Variants in PMEPA1 observed in about 807,000 individuals in gnomAD.
PMEPA1 encodes the protein prostate transmembrane protein, androgen induced 1, also known as protein TMEPAI.
Under a neutral mutation model 23.0 loss-of-function variants are expected in PMEPA1, and 11 were observed. That is an observed-to-expected ratio of 0.48 (90% CI 0.30 to 0.79). The LOEUF (loss-of-function observed/expected upper bound fraction) is 0.79. Among genes scored for constraint, PMEPA1 ranks in the 30% least tolerant of loss-of-function variants. The pLI, the probability that PMEPA1 is intolerant of heterozygous loss-of-function variation, is 0.06. For missense variants in PMEPA1, 377 were observed against 390.9 expected, an observed-to-expected ratio of 0.96 and a Z score of 0.30; for synonymous variants, 204 against 166.4, an observed-to-expected ratio of 1.23 and a Z score of -1.74.
rs1317346254 is a variant in PMEPA1, at chr20:57,656,785, G to A, written c.264+2758C>T. 6.6e-6 allele frequency among the ~76,000 whole-genome samples: 1 copy of A among 152,220 alleles called. No individual in the cohort carries two copies. The highest frequency in any genetic ancestry group is 1.5e-5 in the Non-Finnish European group (1 of 68,026). On this transcript the variant is annotated intron_variant, in intron 2 of 3. Coordinates refer to ENST00000341744, the MANE Select transcript of PMEPA1 (RefSeq NM_020182.5). The surrounding 1 kb of genome is among the most constrained non-coding windows in gnomAD (Gnocchi z 4.7). ...CCATACAGGCAAGAGGGGACCCCCA[G>A]GGTCACCCTGAAAAGGGGCCATGGT...
At position 57,656,300 on chromosome 20, in the gene PMEPA1, T is replaced by G. The variant is rs990740769; in HGVS notation, c.265-3214A>C. ...TTTGGCTCCCGCTGCTGGCAGATTG[T>G]CGCACATTGGCCTGGCCACAGTCTT... is the stretch of plus-strand genomic sequence containing the variant. On this transcript the variant is annotated intron_variant, in intron 2 of 3. Transcript: ENST00000341744. This position sits in a 1 kb window ranked among gnomAD's most constrained non-coding sequence, Gnocchi z 4.7. Among the ~76,000 whole-genome samples the G allele has an allele frequency of 2.1e-4, 32 of 151,314 alleles. No individual in the cohort carries two copies. The highest frequency in any genetic ancestry group is 7.5e-4 in the African/African-American group (31 of 41,264).
chr20:57,692,053 T>G (rs1187346956), intron 1 of PMEPA1, among the ~76,000 whole-genome samples: 1 of 152,182 alleles, frequency 6.6e-6, no homozygotes, highest in African/African-American at 2.4e-5. Flanking sequence ...TCCCGGGGCT[T>G]ACGGAGCCAC....
In PMEPA1 at chr20:57,704,658, G is replaced by A. The variant is rs1192965056; in HGVS notation, c.109+4816C>T. On this transcript the variant is annotated intron_variant, in intron 1 of 3. Transcript: ENST00000341744. The surrounding 1 kb of genome is among the most constrained non-coding windows in gnomAD (Gnocchi z 4.6). Reference sequence around the variant, plus strand: ...AGAGAGAAGGCCACACCGATCCTCAGGTTTGGACCCTGCCACCAGCACCTT... The same window carrying A: ...AGAGAGAAGGCCACACCGATCCTCAAGTTTGGACCCTGCCACCAGCACCTT... Among the ~76,000 whole-genome samples, 1 of 152,178 alleles carries A rather than the reference G, an allele frequency of 6.6e-6. No individual in the cohort carries two copies.
At chr20:57,669,302 A>G (rs1345943659) in intron 1 of PMEPA1, among the ~76,000 whole-genome samples, 3 of 152,114 alleles carry the variant, frequency 2.0e-5, no homozygotes, top group African/African-American at 7.2e-5. Flanking sequence ...CTGGGACTAC[A>G]GGCACCCGCC....
rs73917728 is a variant in PMEPA1, at chr20:57,706,459, T to C, written c.109+3015A>G. On this transcript the variant is annotated intron_variant, in intron 1 of 3. Transcript: ENST00000341744. The stretch of plus-strand genomic sequence containing the variant: ...TGCTTTTAATCCCAGGACCCTTGGC[T>C]TTTTAAAAGAAAGGGTTTTCCCACG... Among the ~76,000 whole-genome samples the C allele has an allele frequency of 4.2e-3, 634 of 152,278 alleles. 8 individuals carry two copies. Among genetic ancestry groups the C allele is most frequent in the African/African-American group, 0.014 (600 of 41,546 alleles).
intron 1 of PMEPA1, among the ~76,000 whole-genome samples, chr20:57,696,279 C>A (rs757092704): frequency 6.6e-6 from 1 of 152,184 alleles, no homozygotes; most frequent in Non-Finnish European, 1.5e-5. Flanking sequence ...GAGGCACAGG[C>A]TTCAGGAAGA....
At chr20:57,665,261 C>T (rs566399993) in intron 1 of PMEPA1, among the ~76,000 whole-genome samples, 1 of 152,214 alleles carries the variant, frequency 6.6e-6, no homozygotes, top group African/African-American at 2.4e-5. Context: ...GAGAAGTAGC[C>T]CTAGAAGATG....
Position 57,652,134 on chromosome 20 carries a change from G to T in PMEPA1, c.783C>A (p.Leu261=). 1.3e-6 allele frequency: 2 copies of T among 1,594,948 alleles called. No individual in the cohort carries two copies. The highest frequency in any genetic ancestry group is 8.5e-7 in the Non-Finnish European group (1 of 1,170,502). The change falls in exon 4 of 4, where the codon CTC becomes CTA. Residue 261 remains leucine, a synonymous_variant. Transcript: ENST00000341744. This position sits in a 1 kb window ranked among gnomAD's most constrained non-coding sequence, Gnocchi z 6.1. The stretch of plus-strand genomic sequence containing the variant: ...CTAGGGGCGCGATGTGTGTGTGGTG[G>T]AGCCGGGTCCCCTCCAGCAAGGAGG... ...GPPSLLEGTR[L]HHTHIAPLES...
intron 2 of PMEPA1, among the ~76,000 whole-genome samples, chr20:57,654,067 C>G (rs2146637171): frequency 6.6e-6 from 1 of 152,230 alleles, no homozygotes; most frequent in East Asian, 1.9e-4. Flanking sequence ...GCGCCAAGCT[C>G]TGGTCTGGGT....
chr20:57,703,276 T>A (rs1443027230), intron 1 of PMEPA1, among the ~76,000 whole-genome samples: 1 of 152,230 alleles, frequency 6.6e-6, no homozygotes, highest in African/African-American at 2.4e-5. Flanking sequence ...ATCAGGGCCT[T>A]TCTTTTAATG....
chr20:57,678,306 T>C lies in PMEPA1; in HGVS notation c.110-18609A>G, dbSNP rs146908387. Among the ~76,000 whole-genome samples the C allele has an allele frequency of 2.6e-5, 4 of 152,352 alleles. No homozygotes were observed. The East Asian group carries it at 7.7e-4, about 29-fold the overall frequency. ...TGGGGGAAGCTGGAGGATATCTACA[T>C]AGAACCTCTCTGTATTATTTTTTAC... is the stretch of plus-strand genomic sequence containing the variant. On this transcript the variant is annotated intron_variant, in intron 1 of 3. Transcript: ENST00000341744.
At position 57,652,150 on chromosome 20, in the gene PMEPA1, A is replaced by AGCAAGGAGGGCGGCCCACT. The variant is rs1568958524; in HGVS notation, c.748_766dup (p.Leu256GlnfsTer32). ...TGTGTGGTGGAGCCGGGTCCCCTCC[A>AGCAAGGAGGGCGGCCCACT]GCAAGGAGGGCGGCCCACTGCTCTG... On this transcript the variant is annotated frameshift_variant, in exon 4 of 4. Coordinates refer to ENST00000341744, the MANE Select transcript of PMEPA1 (RefSeq NM_020182.5). LOFTEE classifies it high-confidence loss of function. The surrounding 1 kb of genome is among the most constrained non-coding windows in gnomAD (Gnocchi z 6.1). 1 of 1,601,696 alleles carries AGCAAGGAGGGCGGCCCACT rather than the reference A, an allele frequency of 6.2e-7. No homozygotes were observed. The highest frequency in any genetic ancestry group is 2.3e-5 in the East Asian group (1 of 44,334).
intron 1 of PMEPA1, among the ~76,000 whole-genome samples, chr20:57,673,602 A>ATAG: frequency 6.6e-6 from 1 of 152,302 alleles, no homozygotes; most frequent in African/African-American, 2.4e-5. Flanking sequence ...CACATCCTGC[A>ATAG]TAGTAGTAGT....
At chr20:57,686,170 G>A (rs931409574) in intron 1 of PMEPA1, among the ~76,000 whole-genome samples, 2 of 152,166 alleles carry the variant, frequency 1.3e-5, no homozygotes, top group African/African-American at 2.4e-5. Context: ...GTTACACTCC[G>A]GGGCAGCCGG....
chr20:57,678,686 A>G (rs1283159758), intron 1 of PMEPA1, among the ~76,000 whole-genome samples: 2 of 152,248 alleles, frequency 1.3e-5, no homozygotes, highest in Non-Finnish European at 2.9e-5. Context: ...AATTCTAAAC[A>G]CGTCATTTAA....
At chr20:57,700,471 G>A (rs543965374) in intron 1 of PMEPA1, among the ~76,000 whole-genome samples, 14 of 152,304 alleles carry the variant, frequency 9.2e-5, no homozygotes, top group East Asian at 1.9e-4. Context: ...GTGGCATCTC[G>A]AACCTGCATG....
intron 1 of PMEPA1, among the ~76,000 whole-genome samples, chr20:57,689,351 C>T (rs746294867): frequency 3.3e-5 from 5 of 152,112 alleles, no homozygotes; most frequent in Non-Finnish European, 5.9e-5. Flanking sequence ...CCAGTCTGAA[C>T]GTGAGAAGGG....
At chr20:57,688,832 A>C (rs1442631000) in intron 1 of PMEPA1, among the ~76,000 whole-genome samples, 4 of 152,158 alleles carry the variant, frequency 2.6e-5, no homozygotes, top group Non-Finnish European at 4.4e-5. Flanking sequence ...CCATGAGGAC[A>C]AGGTGGCTTC....
intron 1 of PMEPA1, among the ~76,000 whole-genome samples, chr20:57,677,026 G>A (rs1392693706): frequency 2.6e-5 from 4 of 152,136 alleles, no homozygotes; most frequent in African/African-American, 4.8e-5. Flanking sequence ...CTCACCATGC[G>A]CCAGCCAGCC....
Sources: gnomAD v4.1 joint callset for allele counts (sites outside exome capture counted in the v4.1 genomes callset) on GRCh38, gnomAD v4.1.1 for gene constraint, Gnocchi (gnomAD v3.1) non-coding constraint, MANE v1.5 for transcripts, NCBI Gene and HGNC (gene_info 2026-07-23, HGNC 2026-07-21) for gene names.